Variants in TAF4 observed in about 807,000 individuals in gnomAD.
The protein encoded by TAF4 is transcription initiation factor TFIID subunit 4.
A neutral mutation model predicts 90.3 loss-of-function variants in TAF4; 9 were observed. The ratio of observed to expected loss-of-function variants is 0.10; its 90% CI spans 0.06 to 0.17. The LOEUF is 0.17. Ranked by LOEUF, TAF4 falls within the 10% of genes least tolerant of loss-of-function variation. The pLI, the probability that TAF4 is intolerant of heterozygous loss-of-function variation, is 1.00. For missense variants in TAF4, 1,351 were observed against 1,370.7 expected, an observed-to-expected ratio of 0.99 and a Z score of 0.23; for synonymous variants, 818 against 638.9, an observed-to-expected ratio of 1.28 and a Z score of -4.23.
intron 11 of TAF4, 46 bp downstream of exon 11, chr20:62,000,078 G>A (rs778220741): frequency 1.2e-6 from 2 of 1,614,012 alleles, no homozygotes; most frequent in Non-Finnish European, 1.7e-6. Flanking sequence ...GCAGAGAGTG[G>A]GGGCCAACAA....
Position 61,997,541 on chromosome 20 carries a change from C to T in TAF4, c.3090+9G>A. ...CCCCCAGGACCTCGATCCCACAACA[C>T]TGCCGTACCTCTGCTCCTGAGCCCG... On this transcript the variant is annotated intron_variant, in intron 14 of 14. Coordinates refer to ENST00000252996, the MANE Select transcript of TAF4 (RefSeq NM_003185.4). 1 of 1,580,146 alleles carries T rather than the reference C, an allele frequency of 6.3e-7. No homozygotes were observed. The highest frequency in any genetic ancestry group is 8.6e-7 in the Non-Finnish European group (1 of 1,165,788).
intron 14 of TAF4, among the ~76,000 whole-genome samples, chr20:61,978,687 G>C (rs563846600): frequency 5.3e-5 from 8 of 151,240 alleles, no homozygotes; most frequent in Non-Finnish European, 1.2e-4. Flanking sequence ...GACCAACCAA[G>C]GCCGGGGGCG....
chr20:62,029,886 C>T (rs2055895133), intron 1 of TAF4, among the ~76,000 whole-genome samples: 1 of 152,102 alleles, frequency 6.6e-6, no homozygotes, highest in Non-Finnish European at 1.5e-5. Context: ...AGCCTGGTGA[C>T]ACGGCAAGAC....
At chr20:62,037,423 C>T (rs2055938536) in intron 1 of TAF4, 1 of 152,530 alleles carries the variant, frequency 6.6e-6, no homozygotes, top group African/African-American at 2.4e-5. Context: ...TTATTGTATG[C>T]TGAGTTTATT....
Position 62,059,597 on chromosome 20 carries a change from C to A in TAF4, c.1360+4854G>T, listed in dbSNP as rs1375210735. On this transcript the variant is annotated intron_variant, in intron 1 of 14. Transcript: ENST00000252996. ...ACAGCACTCGGCACAGAAGGGCCTG[C>A]AGCCAAAAGCCCCCTTTATTTAACT... 2.6e-5 allele frequency among the ~76,000 whole-genome samples: 4 copies of A among 152,216 alleles called. No individual in the cohort carries two copies. In the South Asian group the frequency reaches 6.2e-4, roughly 24 times the overall value.
At chr20:61,998,263 T>A (rs1756028278) in intron 12 of TAF4, 71 bp from the exon 13 acceptor site, 3 of 1,489,616 alleles carry the variant, frequency 2.0e-6, no homozygotes, top group Non-Finnish European at 2.8e-6. Context: ...AAATGTGTTA[T>A]CTTATTTACT....
chr20:62,018,011 GC>G (rs1406634740), intron 1 of TAF4, among the ~76,000 whole-genome samples: 10 of 151,946 alleles, frequency 6.6e-5, no homozygotes, highest in Non-Finnish European at 1.3e-4. Flanking sequence ...CTGTGGTCGG[GC>G]CCAGTGTCCC....
At chr20:62,029,484 G>GCACACACACA (rs534147759) in intron 1 of TAF4, among the ~76,000 whole-genome samples, 2 of 142,132 alleles carry the variant, frequency 1.4e-5, no homozygotes, top group African/African-American at 2.7e-5. Context: ...GTGCGCGCGC[G>GCACACACACA]CGCACACACA....
intron 2 of TAF4, among the ~76,000 whole-genome samples, chr20:62,013,573 C>T (rs7273659): frequency 0.063 from 9,624 of 152,296 alleles, 637 homozygotes; most frequent in African/African-American, 0.17. Context: ...TGGCAGCCTC[C>T]GGCACGTCCG....
chr20:61,977,198 G>A (rs115456971), intron 14 of TAF4, among the ~76,000 whole-genome samples: 2,755 of 139,788 alleles, frequency 0.02, 111 homozygotes, highest in African/African-American at 0.069. Flanking sequence ...ACCGCCCAGC[G>A]GGGCGCGCGC....
At chr20:62,029,275 T>C (rs538640135) in intron 1 of TAF4, among the ~76,000 whole-genome samples, 2 of 151,950 alleles carry the variant, frequency 1.3e-5, no homozygotes, top group East Asian at 3.9e-4. Context: ...TTCTTTTAAG[T>C]TTGAAATTTT....
At chr20:62,062,674 A>T (rs537544011) in intron 1 of TAF4, among the ~76,000 whole-genome samples, 7 of 152,144 alleles carry the variant, frequency 4.6e-5, no homozygotes, top group Non-Finnish European at 8.8e-5. Context: ...CGACCCTAAA[A>T]CTGATCTTAA....
intron 14 of TAF4, among the ~76,000 whole-genome samples, chr20:61,997,132 T>C (rs539579096): frequency 6.6e-6 from 1 of 152,332 alleles, no homozygotes; most frequent in Admixed American, 6.5e-5. Context: ...GAGAAACTAA[T>C]GGAATTTGGA....
intron 1 of TAF4, among the ~76,000 whole-genome samples, chr20:62,056,237 G>A (rs1425941913): frequency 3.3e-5 from 5 of 151,306 alleles, no homozygotes; most frequent in Admixed American, 2.6e-4. Flanking sequence ...ACTCTGTCTC[G>A]AAAAAAAAGA....
chr20:62,060,199 C>T (rs2056082025), intron 1 of TAF4, among the ~76,000 whole-genome samples: 1 of 152,236 alleles, frequency 6.6e-6, no homozygotes, highest in African/African-American at 2.4e-5. Flanking sequence ...AGGCCAACTT[C>T]CCAGGCGCCC....
rs1383011396 is a variant in TAF4, at chr20:62,064,626, C to G, written c.1185G>C (p.Gly395=). The change falls in exon 1 of 15, where the codon GGG becomes GGC. Residue 395 remains glycine, a synonymous_variant. Transcript: ENST00000252996. ...SPAAVPPPAP[G]TPTGLPKGAA... is the part of the protein sequence containing the mutation. ...CGCCTTTGGGCAGCCCGGTGGGGGT[C>G]CCGGGGGCGGGCGGCGGGACGGCGG... is the stretch of plus-strand genomic sequence containing the variant. 2 of 1,364,048 alleles carry G rather than the reference C, an allele frequency of 1.5e-6. No homozygotes were observed. The highest frequency in any genetic ancestry group is 1.5e-5 in the African/African-American group (1 of 65,100). 84.5% of individuals were successfully genotyped at this position (1,364,048 alleles called of 1,614,324 possible).
chr20:62,055,578 T>C (rs2056058680), intron 1 of TAF4, among the ~76,000 whole-genome samples: 1 of 152,194 alleles, frequency 6.6e-6, no homozygotes, highest in Non-Finnish European at 1.5e-5. Context: ...CAATTCACAC[T>C]GTGTACAGGC....
At position 62,065,077 on chromosome 20, in the gene TAF4, C is replaced by T. The variant is rs2056118799; in HGVS notation, c.734G>A (p.Gly245Asp). ...GTVIQTPPFV[G>D]AAAPPAPAAP... is the part of the protein sequence containing the mutation. ...GGCGGGCGCGGGGGGCGCGGCGGCGCCCACGAAGGGGGGCGTCTGGATGAC... is the reference window on the plus strand; with the variant it reads ...GGCGGGCGCGGGGGGCGCGGCGGCGTCCACGAAGGGGGGCGTCTGGATGAC... The change falls in exon 1 of 15, where the codon GGC becomes GAC. Residue 245 changes from glycine to aspartate, a missense_variant. Transcript: ENST00000252996. 2 of 943,390 alleles carry T rather than the reference C, an allele frequency of 2.1e-6. No individual in the cohort carries two copies. Among genetic ancestry groups the T allele is most frequent in the African/African-American group, 4.2e-5 (2 of 48,122 alleles). The allele number at this position is 943,390 out of a possible 1,614,324, so 58.4% of individuals were successfully genotyped here.
At position 62,012,859 on chromosome 20, in the gene TAF4, T is replaced by C. The variant is rs1568931701; in HGVS notation, c.1597A>G (p.Thr533Ala). 9 of 1,614,190 alleles carry C rather than the reference T, an allele frequency of 5.6e-6. No individual in the cohort carries two copies. The highest frequency in any genetic ancestry group is 6.8e-6 in the Non-Finnish European group (8 of 1,180,036). The change falls in exon 3 of 15, where the codon ACG becomes GCG. Residue 533 changes from threonine (T) to alanine (A), a missense_variant. By Grantham distance (58) the Thr-to-Ala change is moderately conservative. Around this residue, in one of 9 missense-constraint regions of TAF4, gnomAD observed 143 missense variants for 176.3 expected, o/e 0.81. Transcript: ENST00000252996. The stretch of plus-strand genomic sequence containing the variant: ...TGCAGGGTTGCACTGGGCTGCACCG[T>C]TGTCTGGGCCTGAGACACTTGCTTA... The part of the protein sequence containing the change: ...IIKQVSQAQT[T>A]VQPSATLQRS...
Sources: allele counts gnomAD v4.1 joint callset (sites outside exome capture counted in the v4.1 genomes callset), GRCh38; gene constraint gnomAD v4.1.1; regional missense constraint gnomAD v4.1.1; transcripts MANE v1.5; gene names NCBI Gene and HGNC (gene_info 2026-07-23, HGNC 2026-07-21).